PANK2: variants seen among roughly 807,000 people sequenced by gnomAD.
PANK2 encodes pantothenate kinase 2, mitochondrial.
Under a neutral mutation model 43.1 loss-of-function variants are expected in PANK2, and 36 were observed. The observed-to-expected ratio is 0.84, with a 90% CI of 0.64 to 1.10. The LOEUF (loss-of-function observed/expected upper bound fraction) is 1.10. Ranked by LOEUF, PANK2 falls within the 50% of genes least tolerant of loss-of-function variation. The pLI is 0.00. For synonymous variants in PANK2, 281 were observed against 238.2 expected, an observed-to-expected ratio of 1.18 and a Z score of -1.66; for missense variants, 576 against 593.3, an observed-to-expected ratio of 0.97 and a Z score of 0.30.
At chr20:3,918,054 T>C (rs925922412) in intron 5 of PANK2, among the ~76,000 whole-genome samples, 2 of 152,228 alleles carry the variant, frequency 1.3e-5, no homozygotes, top group Non-Finnish European at 2.9e-5. Context: ...ATTCTTGATA[T>C]GGGGCTTAGG....
Position 3,910,746 on chromosome 20 carries a change from C to T in PANK2, c.821C>T (p.Pro274Leu). 1 of 1,614,130 alleles carries T rather than the reference C, an allele frequency of 6.2e-7. No individual in the cohort carries two copies. Among genetic ancestry groups the T allele is most frequent in the Non-Finnish European group, 8.5e-7 (1 of 1,180,012 alleles). ...CCATTTGATTTGAAAAATCCGTATC[C>T]TCTGCTTCTGGTGAACATTGGCTCA... The change falls in exon 3 of 7, where the codon CCT (proline) becomes CTT (leucine). Residue 274 changes from proline to leucine, a missense_variant. Around this residue, in one of 2 missense-constraint regions of PANK2, gnomAD observed 544 missense variants for 528.9 expected, o/e 1.03. Transcript: ENST00000610179.
intron 1 of PANK2, among the ~76,000 whole-genome samples, chr20:3,902,720 C>T (rs537899771): frequency 1.3e-5 from 2 of 151,906 alleles, no homozygotes; most frequent in Non-Finnish European, 2.9e-5. Flanking sequence ...TGCACCCAGC[C>T]AGGTTCCATT....
intron 1 of PANK2, among the ~76,000 whole-genome samples, chr20:3,905,666 C>T (rs1196729750): frequency 1.3e-5 from 2 of 151,016 alleles, no homozygotes; most frequent in East Asian, 2.0e-4. Context: ...TTCTTGTTTC[C>T]CAGAATTATT....
chr20:3,903,216 C>T (rs954904353), intron 1 of PANK2, among the ~76,000 whole-genome samples: 6 of 151,152 alleles, frequency 4.0e-5, no homozygotes, highest in Admixed American at 2.7e-4. Context: ...GCAATCTTGG[C>T]TCATTGAAAT....
Position 3,912,471 on chromosome 20 carries a change from A to G in PANK2, c.919A>G (p.Thr307Ala), listed in dbSNP as rs1299341813. ...TTTTAATCATAGTCTTGGAGGAGGA[A>G]CTTTTTTTGGTCTCTGCTGTCTTCT... Residue 307 changes from threonine (T) to alanine (A), a missense_variant, in exon 4 of 7, where the codon ACT becomes GCT. Physicochemically the swap from Thr to Ala is moderately conservative, Grantham distance 58. Transcript: ENST00000610179. 1.9e-6 allele frequency: 3 copies of G among 1,613,956 alleles called. No homozygotes were observed. The highest frequency in any genetic ancestry group is 2.5e-6 in the Non-Finnish European group (3 of 1,180,020).
intron 1 of PANK2, among the ~76,000 whole-genome samples, chr20:3,892,054 G>T (rs998122657): frequency 6.6e-6 from 1 of 152,192 alleles, no homozygotes; most frequent in African/African-American, 2.4e-5. Flanking sequence ...TGGAGAAGCA[G>T]GCTGGGCGCA....
chr20:3,910,759 G>A lies in PANK2; in HGVS notation c.834G>A (p.Val278=). ...AAAATCCGTATCCTCTGCTTCTGGT[G>A]AACATTGGCTCAGGGGTTAGCATCT... The change falls in exon 3 of 7, where the codon GTG becomes GTA. Residue 278 remains valine, a synonymous_variant. Transcript: ENST00000610179. The A allele has an allele frequency of 6.2e-7, 1 of 1,614,122 alleles. No individual in the cohort carries two copies. The highest frequency in any genetic ancestry group is 8.5e-7 in the Non-Finnish European group (1 of 1,180,000).
At chr20:3,910,429 A>G in intron 2 of PANK2, 148 bp from the exon 3 acceptor site, 1 of 904,132 alleles carries the variant, frequency 1.1e-6, no homozygotes. Flanking sequence ...GTTTGCTCCT[A>G]AATCTGTTCT....
chr20:3,904,561 C>T (rs377355070), intron 1 of PANK2, among the ~76,000 whole-genome samples: 15 of 152,072 alleles, frequency 9.9e-5, no homozygotes, highest in East Asian at 5.8e-4. Flanking sequence ...CAGAGCAACA[C>T]GCTGTCTCTA....
chr20:3,889,949 T>A, intron 1 of PANK2: 1 of 1,525,698 alleles, frequency 6.6e-7, no homozygotes, highest in Non-Finnish European at 8.8e-7. Context: ...ACTTCCCGCT[T>A]GTTGGAGTGG....
chr20:3,916,814 A>C, intron 4 of PANK2, 113 bp from the exon 5 acceptor site: 1 of 1,466,766 alleles, frequency 6.8e-7, no homozygotes, highest in East Asian at 2.4e-5. Context: ...AGGTTTGAAG[A>C]TTTCAACAAT....
In PANK2 at chr20:3,928,211, T is replaced by G. The variant is rs2090755715; in HGVS notation, c.*4917T>G. The G allele has an allele frequency of 6.6e-6, 1 of 152,226 alleles. No homozygotes were observed. The highest frequency in any genetic ancestry group is 1.5e-5 in the Non-Finnish European group (1 of 68,048). 9.4% of individuals were successfully genotyped at this position (152,226 alleles called of 1,614,324 possible). ...AAGACACACCCAGGGCCAGAGATTC[T>G]ACAAATGCCAGAAGAGTGGATGTGA... On this transcript the variant is annotated 3_prime_UTR_variant, in exon 7 of 7. Coordinates refer to ENST00000610179, the MANE Select transcript of PANK2 (RefSeq NM_001386393.1).
rs543479753 is a variant in PANK2 at position 3,916,865 on chromosome 20, C to G, written c.1083-62C>G. On this transcript the variant is annotated intron_variant, in intron 4 of 6. Coordinates refer to ENST00000610179, the MANE Select transcript of PANK2 (RefSeq NM_001386393.1). ...AATTTTATTTCAATAAAGTAACATT[C>G]AAGTTCTGTTGGGCTTTGTTGCTGT... The G allele has an allele frequency of 5.3e-5, 86 of 1,607,490 alleles. No homozygotes were observed. In the South Asian group the frequency reaches 8.8e-4, roughly 17 times the overall value.
rs142997448 is a variant in PANK2 at position 3,918,812 on chromosome 20, C to T, written c.1332+16C>T. On this transcript the variant is annotated intron_variant, in intron 6 of 6. Transcript: ENST00000610179. ...GGAACACGAGGTAAGCTGACTTGTT[C>T]GTTGTGGTATATTATGTACACAGAG... The T allele has an allele frequency of 2.0e-5, 33 of 1,614,028 alleles. No homozygotes were observed. In the East Asian group the frequency reaches 3.1e-4, roughly 15 times the overall value.
intron 1 of PANK2, among the ~76,000 whole-genome samples, chr20:3,900,401 G>T (rs1388426178): frequency 6.6e-6 from 1 of 151,684 alleles, no homozygotes; most frequent in African/African-American, 2.4e-5. Flanking sequence ...GACCTTTACT[G>T]TACTATGGCT....
At chr20:3,918,532 C>T in intron 5 of PANK2, 139 bp from the exon 6 acceptor site, 1 of 1,146,430 alleles carries the variant, frequency 8.7e-7, no homozygotes, top group Non-Finnish European at 1.3e-6. Flanking sequence ...GTTTAAGTAG[C>T]CCTGGACCAA....
rs2090676512 is a variant in PANK2, at chr20:3,923,348, T to A, written c.*54T>A. 4 of 1,575,428 alleles carry A rather than the reference T, an allele frequency of 2.5e-6. No homozygotes were observed. Among genetic ancestry groups the A allele is most frequent in the South Asian group, 1.1e-5 (1 of 90,300 alleles). ...CTTCCACAATGGGATCTGTGGACTT[T>A]CATTTTTTTAAGAGACTTACTCAAT... On this transcript the variant is annotated 3_prime_UTR_variant, in exon 7 of 7. Coordinates refer to ENST00000610179, the MANE Select transcript of PANK2 (RefSeq NM_001386393.1).
chr20:3,914,429 C>T (rs1252637443), intron 4 of PANK2, among the ~76,000 whole-genome samples: 1 of 151,890 alleles, frequency 6.6e-6, no homozygotes, highest in Non-Finnish European at 1.5e-5. Context: ...GTTTCTCCTG[C>T]CTCAGTCTCC....
At chr20:3,910,358 T>A (rs1283897843) in intron 2 of PANK2, among the ~76,000 whole-genome samples, 1 of 151,948 alleles carries the variant, frequency 6.6e-6, no homozygotes. Flanking sequence ...TGCAGTAGTT[T>A]CTATGTAGAG....
Sources: gnomAD v4.1 joint callset for allele counts (sites outside exome capture counted in the v4.1 genomes callset) on GRCh38, gnomAD v4.1.1 for gene constraint, gnomAD v4.1.1 regional missense constraint, MANE v1.5 for transcripts, NCBI Gene and HGNC (gene_info 2026-07-23, HGNC 2026-07-21) for gene names.